Variants in TG observed in about 807,000 individuals in gnomAD.
TG encodes the protein thyroid hormones.
In TG, 270 loss-of-function variants were observed where a neutral mutation model predicts 324.7. The ratio of observed to expected loss-of-function variants is 0.83; its 90% CI spans 0.75 to 0.92. The LOEUF (loss-of-function observed/expected upper bound fraction) is 0.92, where lower values mean the gene tolerates loss of function less well. Ranked by LOEUF, TG falls within the 40% of genes least tolerant of loss-of-function variation. The pLI, the probability that TG is intolerant of heterozygous loss-of-function variation, is 0.00. For synonymous variants in TG, 1,401 were observed against 1,327.0 expected (o/e 1.06, Z -1.21); for missense variants, 3,591 against 3,456.4 (o/e 1.04, Z -0.98).
chr8:132,881,738 T>C, intron 5 of TG, 125 bp from the exon 6 acceptor site: 1 of 745,792 alleles, frequency 1.3e-6, no homozygotes, highest in Non-Finnish European at 2.4e-6. Flanking sequence ...GAAGCAACTG[T>C]CATGTGATAA....
rs373285692 is a variant in TG at position 133,113,079 on chromosome 8, G to A, written c.7573-343G>A. 1.1e-4 allele frequency among the ~76,000 whole-genome samples: 17 copies of A among 152,180 alleles called. No individual in the cohort carries two copies. The East Asian group carries it at 1.5e-3, about 14-fold the overall frequency. Reference sequence around the variant, plus strand: ...GAGCCCGGGAAAGCAAGTGAAACTCGGGGGTTTGACCTGTTCTCAGACTGC... The same window carrying A: ...GAGCCCGGGAAAGCAAGTGAAACTCAGGGGTTTGACCTGTTCTCAGACTGC... On this transcript the variant is annotated intron_variant, in intron 43 of 47. Coordinates refer to ENST00000220616, the MANE Select transcript of TG (RefSeq NM_003235.5).
In TG at chr8:133,002,450, A is replaced by T. The variant is rs1466590720; in HGVS notation, c.6263-9451A>T. On this transcript the variant is annotated intron_variant, in intron 35 of 47. Coordinates refer to ENST00000220616, the MANE Select transcript of TG (RefSeq NM_003235.5). Reference sequence around the variant, plus strand: ...CGCCTCACATCTTTCAGCAAGAAATACATTAAATCTGAATAGCAAATACAT... The same window carrying T: ...CGCCTCACATCTTTCAGCAAGAAATTCATTAAATCTGAATAGCAAATACAT... 3.1e-6 allele frequency: 3 copies of T among 974,628 alleles called. No individual in the cohort carries two copies. In the African/African-American group the frequency reaches 5.3e-5, roughly 17 times the overall value. 60.4% of individuals were successfully genotyped at this position (974,628 alleles called of 1,614,324 possible).
chr8:133,118,943 G>A (rs1850926176), intron 45 of TG, among the ~76,000 whole-genome samples: 1 of 152,182 alleles, frequency 6.6e-6, no homozygotes, highest in Non-Finnish European at 1.5e-5. Flanking sequence ...GAGAGCCAGA[G>A]GGAGAAGTGC....
rs1056823769 is a variant in TG, at chr8:132,969,720, G to A, written c.5975+151G>A. The A allele has an allele frequency of 1.3e-4, 87 of 648,922 alleles. No homozygotes were observed. The Admixed American group carries it at 1.4e-3, about 11-fold the overall frequency. The allele number at this position is 648,922 out of a possible 1,614,324, so 40.2% of individuals were successfully genotyped here. On this transcript the variant is annotated intron_variant, in intron 32 of 47. Coordinates refer to ENST00000220616, the MANE Select transcript of TG (RefSeq NM_003235.5). ...GAGGTCAAGAGATCAAGACTATCCT[G>A]ACCAACATGGTGAAGCCCCGTCTCT...
intron 8 of TG, 31 bp from the exon 9 acceptor site, chr8:132,886,417 C>T: frequency 3.1e-6 from 5 of 1,613,868 alleles, no homozygotes; most frequent in Non-Finnish European, 3.4e-6. Context: ...ACATTAAAAC[C>T]TTTTCTCCCA....
chr8:133,089,301 C>T (rs966740871), intron 41 of TG, among the ~76,000 whole-genome samples: 3 of 152,204 alleles, frequency 2.0e-5, no homozygotes, highest in Non-Finnish European at 4.4e-5. Flanking sequence ...AGAGGAATAA[C>T]TACCTCCCAA....
In TG at chr8:133,025,164, G is replaced by C. The variant is rs1005926088; in HGVS notation, c.7036+3014G>C. Among the ~76,000 whole-genome samples, 4 of 152,320 alleles carry C rather than the reference G, an allele frequency of 2.6e-5. No individual in the cohort carries two copies. The East Asian group carries it at 7.7e-4, about 29-fold the overall frequency. On this transcript the variant is annotated intron_variant, in intron 40 of 47. Coordinates refer to ENST00000220616, the MANE Select transcript of TG (RefSeq NM_003235.5). ...ATCATTCAGGAAACTGAGGCACAGA[G>C]ATAAGGAAAGGGCAGAGCAGCAGCA...
chr8:133,003,410 A>ATT (rs568961549), intron 35 of TG, among the ~76,000 whole-genome samples: 2,334 of 138,836 alleles, frequency 0.017, 43 homozygotes, highest in African/African-American at 0.056. Context: ...TCGGATACTT[A>ATT]TTTTTTTTTT....
At chr8:133,050,135 G>T (rs543196000) in intron 41 of TG, 3 of 666,196 alleles carry the variant, frequency 4.5e-6, no homozygotes, top group Non-Finnish European at 8.1e-6. Context: ...CCCATATTTC[G>T]TCATCTGAAA....
chr8:132,931,070 G>A (rs1822649558), intron 23 of TG, among the ~76,000 whole-genome samples: 1 of 152,190 alleles, frequency 6.6e-6, no homozygotes, highest in African/African-American at 2.4e-5. Flanking sequence ...TTGTAATTCT[G>A]GAGGCCAGAA....
chr8:133,127,525 T>C (rs547040673), intron 45 of TG, among the ~76,000 whole-genome samples: 2 of 152,316 alleles, frequency 1.3e-5, no homozygotes, highest in South Asian at 4.1e-4. Flanking sequence ...ACACCTCTAG[T>C]AATCCTTCCA....
intron 45 of TG, among the ~76,000 whole-genome samples, chr8:133,122,264 G>A (rs528671878): frequency 6.6e-6 from 1 of 152,152 alleles, no homozygotes; most frequent in African/African-American, 2.4e-5. Context: ...GAAAGAATAG[G>A]CATAACAGAT....
intron 23 of TG, among the ~76,000 whole-genome samples, chr8:132,932,116 TA>T (rs1357735984): frequency 3.0e-5 from 3 of 100,926 alleles, no homozygotes; most frequent in Admixed American, 1.1e-4. Context: ...AAAACAGAAT[TA>T]TTTTTTTGGG....
intron 45 of TG, among the ~76,000 whole-genome samples, chr8:133,124,905 G>T (rs1337157509): frequency 6.6e-6 from 1 of 152,136 alleles, no homozygotes; most frequent in Non-Finnish European, 1.5e-5. Context: ...TGACTGTCTT[G>T]GTGAGTTTGT....
intron 41 of TG, among the ~76,000 whole-genome samples, chr8:133,067,885 AGTATGTATG>A (rs1564145521): frequency 0.26 from 34,455 of 131,566 alleles, 4,359 homozygotes; most frequent in African/African-American, 0.3. Context: ...GAAGGAAGGA[AGTATGTATG>A]GAAGGAAGGA....
At chr8:132,969,014 G>A (rs887599798) in intron 31 of TG, among the ~76,000 whole-genome samples, 4 of 152,150 alleles carry the variant, frequency 2.6e-5, no homozygotes, top group African/African-American at 7.2e-5. Flanking sequence ...GTTGTCAGCT[G>A]CGGAGAGGAG....
At chr8:133,028,265 A>G (rs982077318) in intron 40 of TG, among the ~76,000 whole-genome samples, 2 of 152,230 alleles carry the variant, frequency 1.3e-5, no homozygotes, top group Admixed American at 6.5e-5. Context: ...CTTGGAGGAA[A>G]CAAACACATT....
At chr8:133,095,358 C>G (rs1848249039) in intron 42 of TG, 150 bp downstream of exon 42, 1 of 1,120,242 alleles carries the variant, frequency 8.9e-7, no homozygotes, top group East Asian at 2.5e-5. Context: ...TCCCTAGCCC[C>G]TAGAGCTGTG....
Position 133,134,706 on chromosome 8 carries a change from G to A in TG, c.8219G>A (p.Ser2740Asn). 6.2e-7 allele frequency: 1 copy of A among 1,614,118 alleles called. No individual in the cohort carries two copies. Among genetic ancestry groups the A allele is most frequent in the Non-Finnish European group, 8.5e-7 (1 of 1,179,986 alleles). Reference sequence around the variant, plus strand: ...GCCAAGGGCGGGCAGTCAGCAGAGAGTGAAGAGGAGGAGTTGACGGCTGGA... The same window carrying A: ...GCCAAGGGCGGGCAGTCAGCAGAGAATGAAGAGGAGGAGTTGACGGCTGGA... ...DGAKGGQSAE[S>N]EEEELTAGSG... The change falls in exon 48 of 48, where the codon AGT (serine) becomes AAT (asparagine). Residue 2740 changes from serine to asparagine, a missense_variant. Ser to Asn is a conservative substitution (Grantham distance 46). Transcript: ENST00000220616.
Sources: allele counts gnomAD v4.1 joint callset (sites outside exome capture counted in the v4.1 genomes callset), GRCh38; gene constraint gnomAD v4.1.1; transcripts MANE v1.5; gene names NCBI Gene and HGNC (gene_info 2026-07-23, HGNC 2026-07-21).